The following LIMS1 variants were observed in gnomAD, a reference collection of about 807,000 sequenced individuals.
LIMS1 encodes LIM and senescent cell antigen-like-containing domain protein 1.
LIMS1 carries 18 observed loss-of-function variants against 44.1 expected under a neutral mutation model. The observed-to-expected ratio is 0.41, with a 90% CI of 0.28 to 0.61. LIMS1 has a LOEUF of 0.61. LIMS1 is among the 20% of genes least tolerant of loss of function. The pLI is 0.32. For synonymous variants in LIMS1, 93 were observed against 149.1 expected (o/e 0.62, Z 2.74); for missense variants, 201 against 422.0 (o/e 0.48, Z 4.59).
intron 2 of LIMS1, chr2:108,660,577 G>A (rs1691289996): frequency 3.2e-6 from 1 of 313,458 alleles, no homozygotes; most frequent in Non-Finnish European, 6.3e-6. Flanking sequence ...GGGGCTACAG[G>A]CACGTGCCAC....
At chr2:108,589,554 TG>T in intron 1 of LIMS1, among the ~76,000 whole-genome samples, 1 of 152,322 alleles carries the variant, frequency 6.6e-6, no homozygotes, top group Middle Eastern at 3.4e-3. Flanking sequence ...CTGCTAACAT[TG>T]GGCCTAGTTT....
At chr2:108,621,302 A>G in intron 1 of LIMS1, 22 of 1,545,442 alleles carry the variant, frequency 1.4e-5, no homozygotes, top group Non-Finnish European at 1.9e-5. Flanking sequence ...TGGCAGCCAC[A>G]CTGCTGAGCA....
chr2:108,534,943 C>T (rs899227929), intron 1 of LIMS1, among the ~76,000 whole-genome samples: 3 of 152,242 alleles, frequency 2.0e-5, no homozygotes, highest in Admixed American at 6.5e-5. Context: ...CAGGACCCCT[C>T]TTGGGACTAG....
chr2:108,589,654 C>A (rs576385467), intron 1 of LIMS1, among the ~76,000 whole-genome samples: 1 of 152,036 alleles, frequency 6.6e-6, no homozygotes, highest in East Asian at 1.9e-4. Context: ...TGTAAACTTC[C>A]CTGTTAGCAC....
chr2:108,534,656 G>A lies in LIMS1; in HGVS notation c.32+62G>A. The A allele has an allele frequency of 3.3e-6, 3 of 905,716 alleles. No individual in the cohort carries two copies. In the South Asian group the frequency reaches 1.5e-4, roughly 45 times the overall value. 56.1% of individuals were successfully genotyped at this position (905,716 alleles called of 1,614,324 possible). A position where few individuals can be genotyped will look rare whatever the true frequency, so the allele number is the denominator to read the frequency against. On this transcript the variant is annotated intron_variant, in intron 1 of 9. Transcript: ENST00000544547. ...CCCGCAGCTCCCGGCGGGCCTTCGGGCCGGGCCGGGCCGGGCCTGGCGCGG... is the reference window on the plus strand; with the variant it reads ...CCCGCAGCTCCCGGCGGGCCTTCGGACCGGGCCGGGCCGGGCCTGGCGCGG...
chr2:108,534,981 A>G (rs1009103639), intron 1 of LIMS1, among the ~76,000 whole-genome samples: 1 of 152,242 alleles, frequency 6.6e-6, no homozygotes, highest in African/African-American at 2.4e-5. Flanking sequence ...CTATCTCCAT[A>G]GACTGTACTA....
chr2:108,572,818 G>C (rs1343947053), intron 1 of LIMS1, among the ~76,000 whole-genome samples: 2 of 152,184 alleles, frequency 1.3e-5, no homozygotes, highest in Non-Finnish European at 2.9e-5. Context: ...CTGTCTTAGA[G>C]AATTCTCTAA....
At chr2:108,533,939 G>GCCC (rs948832611), upstream of LIMS1, 1 of 152,916 alleles carries the variant, frequency 6.5e-6, no homozygotes. Context: ...TTACCACAGA[G>GCCC]CCCCCTCAGG....
chr2:108,620,893 C>T (rs1003184410), intron 1 of LIMS1, among the ~76,000 whole-genome samples: 2 of 152,026 alleles, frequency 1.3e-5, no homozygotes, highest in African/African-American at 4.8e-5. Context: ...CTCACTATAA[C>T]CAGGCGGTTC....
At chr2:108,569,777 T>TTTTTTTTTTTTTTTTTTTG (rs1160798609) in intron 1 of LIMS1, among the ~76,000 whole-genome samples, 1 of 146,174 alleles carries the variant, frequency 6.8e-6, no homozygotes, top group Non-Finnish European at 1.5e-5. Flanking sequence ...TTTTTTTTTT[T>TTTTTTTTTTTTTTTTTTTG]TTTTTTAGTG....
chr2:108,646,616 G>A (rs1329708162), intron 1 of LIMS1, among the ~76,000 whole-genome samples: 1 of 152,148 alleles, frequency 6.6e-6, no homozygotes, highest in Non-Finnish European at 1.5e-5. Flanking sequence ...CAGAAGACAA[G>A]AAGTAACTAA....
At chr2:108,617,917 G>A in intron 1 of LIMS1, among the ~76,000 whole-genome samples, 1 of 152,232 alleles carries the variant, frequency 6.6e-6, no homozygotes, top group East Asian at 1.9e-4. Flanking sequence ...AAAAAGGACA[G>A]AAAGTTGTAA....
At chr2:108,621,423 T>C (rs1440360653) in intron 1 of LIMS1, 5 of 1,551,232 alleles carry the variant, frequency 3.2e-6, no homozygotes, top group Admixed American at 2.0e-5. Context: ...ATCGCCCCGA[T>C]AGTTTGAGAG....
At chr2:108,596,688 T>C (rs1239760046) in intron 1 of LIMS1, among the ~76,000 whole-genome samples, 3 of 152,262 alleles carry the variant, frequency 2.0e-5, no homozygotes. Context: ...CCAGGCGTGG[T>C]GGTGCATGCC....
exon 10 of LIMS1, chr2:108,687,110 T>G (rs985207762): frequency 3.9e-5 from 6 of 152,202 alleles, no homozygotes; most frequent in African/African-American, 1.4e-4. Context: ...AGTTTTTAGA[T>G]AGGCTCATAG....
rs546444557 is a variant in LIMS1, at chr2:108,678,918, G to A, written c.823+891G>A. Among the ~76,000 whole-genome samples, 206 of 152,262 alleles carry A rather than the reference G, an allele frequency of 1.4e-3. 2 individuals are homozygous for A. Among genetic ancestry groups the A allele is most frequent in the African/African-American group, 4.8e-3 (198 of 41,548 alleles). ...TGGTGCATGGACAGTTGCCACATGTGCCCAGGCCAAGGGGGCACAGTTGCT... is the reference window on the plus strand; with the variant it reads ...TGGTGCATGGACAGTTGCCACATGTACCCAGGCCAAGGGGGCACAGTTGCT... On this transcript the variant is annotated intron_variant, in intron 8 of 9. Transcript: ENST00000544547.
intron 1 of LIMS1, among the ~76,000 whole-genome samples, chr2:108,537,606 T>C (rs569116518): frequency 1.3e-5 from 2 of 152,362 alleles, no homozygotes; most frequent in African/African-American, 4.8e-5. Context: ...AATCGAACTG[T>C]TGATTTTTAA....
chr2:108,645,318 A>G (rs1689984315), intron 1 of LIMS1, among the ~76,000 whole-genome samples: 1 of 152,218 alleles, frequency 6.6e-6, no homozygotes, highest in South Asian at 2.1e-4. Flanking sequence ...TACAAGCCAG[A>G]AGAGAGTGGG....
intron 6 of LIMS1, among the ~76,000 whole-genome samples, chr2:108,676,392 C>G (rs1166304090): frequency 1.3e-5 from 2 of 152,156 alleles, no homozygotes; most frequent in Admixed American, 6.5e-5. Flanking sequence ...TCTTTTTGGG[C>G]TATTATAATA....
Sources: allele counts gnomAD v4.1 joint callset (sites outside exome capture counted in the v4.1 genomes callset), GRCh38; gene constraint gnomAD v4.1.1; transcripts MANE v1.5; gene names NCBI Gene and HGNC (gene_info 2026-07-23, HGNC 2026-07-21).